Variants in TINCR observed in about 807,000 individuals in gnomAD.
The protein encoded by TINCR is TINCR ubiquitin domain containing, also known as TINCR-encoded ubiquitin-like protein.
chr19:5,567,430 A>G (rs2052136434), intron 1 of TINCR, among the ~76,000 whole-genome samples: 1 of 152,206 alleles, frequency 6.6e-6, no homozygotes, highest in Non-Finnish European at 1.5e-5. Flanking sequence ...CAAAAGAGAG[A>G]GAGGCAGAAA....
At chr19:5,566,337 T>A in intron 1 of TINCR, among the ~76,000 whole-genome samples, 4 of 134,824 alleles carry the variant, frequency 3.0e-5, no homozygotes, top group East Asian at 2.2e-4. Flanking sequence ...GAGACAGAAA[T>A]GGACAGAGAC....
downstream of TINCR, chr19:5,558,200 ACT>A (rs1039186663): frequency 2.6e-5 from 4 of 152,068 alleles, no homozygotes; most frequent in Non-Finnish European, 4.4e-5. Context: ...TATTCAGTAC[ACT>A]CTCAAAACAG....
At chr19:5,567,628 C>CTA in intron 1 of TINCR, 37 bp downstream of exon 1, 3 of 332,960 alleles carry the variant, frequency 9.0e-6, no homozygotes, top group Non-Finnish European at 1.6e-5. Context: ...CCCCGGCCGC[C>CTA]GCCCCCGCCC....
chr19:5,564,616 T>C (rs2052118772), intron 1 of TINCR, among the ~76,000 whole-genome samples: 2 of 152,330 alleles, frequency 1.3e-5, no homozygotes, highest in South Asian at 4.1e-4. Flanking sequence ...TCTCACTCTG[T>C]TGTCCAGGCT....
intron 1 of TINCR, 39 bp downstream of exon 1, chr19:5,567,626 G>GCCTCCCCCCCCCCCCCCC: frequency 2.5e-5 from 5 of 202,442 alleles, no homozygotes; most frequent in Non-Finnish European, 2.0e-5. Context: ...GTCCCCGGCC[G>GCCTCCCCCCCCCCCCCCC]CCGCCCCCGC....
chr19:5,561,003 AGAG>A (rs1173954126), downstream of TINCR: 1 of 154,038 alleles, frequency 6.5e-6, no homozygotes, highest in Non-Finnish European at 1.5e-5. Flanking sequence ...TTGGAGCTGC[AGAG>A]AAGAGGTTGA....
chr19:5,564,913 T>C (rs2052120399), intron 1 of TINCR, among the ~76,000 whole-genome samples: 1 of 151,992 alleles, frequency 6.6e-6, no homozygotes, highest in South Asian at 2.1e-4. Flanking sequence ...GTTCTCTGCC[T>C]CCAGCATGGC....
At chr19:5,558,602 C>T (rs1413196221), downstream of TINCR, 1 of 152,288 alleles carries the variant, frequency 6.6e-6, no homozygotes, top group African/African-American at 2.4e-5. Context: ...CATTCAAGGC[C>T]AAGACATTCC....
chr19:5,566,832 G>A (rs1047590203), intron 1 of TINCR, among the ~76,000 whole-genome samples: 2 of 151,722 alleles, frequency 1.3e-5, no homozygotes, highest in African/African-American at 4.8e-5. Context: ...AAAAAGCAGA[G>A]ACCAAAATGG....
chr19:5,567,728 T>C (rs2052139211), exon 1 of TINCR: 1 of 323,788 alleles, frequency 3.1e-6, no homozygotes, highest in Non-Finnish European at 5.6e-6. Flanking sequence ...CACCGTCTGG[T>C]GGTCGTCCAG....
At chr19:5,567,696 C>G (rs1212554946) in exon 1 of TINCR, 45 of 388,764 alleles carry the variant, frequency 1.2e-4, no homozygotes, top group Non-Finnish European at 1.6e-4. Flanking sequence ...AGCACCGAGC[C>G]GTCCTGCAGG....
chr19:5,564,193 G>A (rs1246930343), intron 1 of TINCR, among the ~76,000 whole-genome samples: 1 of 152,188 alleles, frequency 6.6e-6, no homozygotes, highest in Non-Finnish European at 1.5e-5. Context: ...AGAGGGCCTG[G>A]CAGGTTTGTC....
At chr19:5,566,488 A>C (rs900707348) in intron 1 of TINCR, among the ~76,000 whole-genome samples, 8 of 151,840 alleles carry the variant, frequency 5.3e-5, no homozygotes, top group African/African-American at 1.9e-4. Context: ...GCAGAGACAC[A>C]GAGAGAGACA....
downstream of TINCR, chr19:5,558,204 T>G (rs1284966456): frequency 6.6e-6 from 1 of 152,196 alleles, no homozygotes; most frequent in African/African-American, 2.4e-5. Flanking sequence ...CAGTACACTC[T>G]CAAAACAGCA....
At chr19:5,567,275 A>G (rs1266994853) in intron 1 of TINCR, among the ~76,000 whole-genome samples, 1 of 152,052 alleles carries the variant, frequency 6.6e-6, no homozygotes, top group Non-Finnish European at 1.5e-5. Context: ...GAGAGAGATG[A>G]AAGAGACAAA....
At chr19:5,564,459 T>G (rs1162105806) in intron 1 of TINCR, among the ~76,000 whole-genome samples, 1 of 152,182 alleles carries the variant, frequency 6.6e-6, no homozygotes, top group Non-Finnish European at 1.5e-5. Flanking sequence ...TAGGGGCCCC[T>G]GTCTGTTGGG....
chr19:5,567,827 G>A (rs1047263545), exon 1 of TINCR: 1 of 394,148 alleles, frequency 2.5e-6, no homozygotes, highest in African/African-American at 2.1e-5. Context: ...CGTGTCCCGC[G>A]GCCGCACGGT....
downstream of TINCR, chr19:5,559,527 G>C (rs1353717265): frequency 6.6e-6 from 1 of 152,092 alleles, no homozygotes; most frequent in Admixed American, 6.6e-5. Context: ...AGTAGAGACG[G>C]GGTTTCACCG....
intron 1 of TINCR, 144 bp downstream of exon 1, chr19:5,567,521 T>A (rs917270915): frequency 2.5e-5 from 9 of 365,748 alleles, no homozygotes; most frequent in African/African-American, 1.3e-4. Context: ...CAAGGCCGGG[T>A]CAGGAGAGAG....
Sources: allele counts gnomAD v4.1 joint callset (sites outside exome capture counted in the v4.1 genomes callset), GRCh38; gene constraint gnomAD v4.1.1; transcripts MANE v1.5; gene names NCBI Gene and HGNC (gene_info 2026-07-23, HGNC 2026-07-21).